Variants in FAM184A observed in about 807,000 individuals in gnomAD.
FAM184A encodes protein FAM184A.
A neutral mutation model predicts 143.8 loss-of-function variants in FAM184A; 99 were observed. That is an observed-to-expected ratio of 0.69 (90% CI 0.58 to 0.81). FAM184A has a LOEUF of 0.81. FAM184A is among the 40% of genes least tolerant of loss of function. FAM184A has a pLI of 0.00. For missense variants in FAM184A, 1,217 were observed against 1,310.5 expected, an observed-to-expected ratio of 0.93 and a Z score of 1.10; for synonymous variants, 427 against 446.4, an observed-to-expected ratio of 0.96 and a Z score of 0.55.
chr6:119,086,975 AG>A (rs145539073), intron 1 of FAM184A, among the ~76,000 whole-genome samples: 4,831 of 152,280 alleles, frequency 0.032, 537 homozygotes, highest in Admixed American at 0.21. Context: ...TGAGGAACAG[AG>A]AGCTGTCAAG....
intron 5 of FAM184A, among the ~76,000 whole-genome samples, chr6:119,012,194 C>T (rs1785111001): frequency 6.6e-6 from 1 of 152,152 alleles, no homozygotes; most frequent in Admixed American, 6.5e-5. Context: ...AAGGCTTTTT[C>T]ACACCACAAA....
At chr6:119,013,678 T>C (rs1419250898) in intron 5 of FAM184A, among the ~76,000 whole-genome samples, 3 of 152,214 alleles carry the variant, frequency 2.0e-5, no homozygotes, top group Non-Finnish European at 4.4e-5. Flanking sequence ...TCTGGCTACA[T>C]AAACATATAG....
At chr6:119,098,613 G>A (rs1384132232) in intron 1 of FAM184A, among the ~76,000 whole-genome samples, 1 of 152,176 alleles carries the variant, frequency 6.6e-6, no homozygotes. Flanking sequence ...ATTTGGAATT[G>A]GTTGAGGAAG....
chr6:119,136,491 T>C (rs911208419), intron 1 of FAM184A, among the ~76,000 whole-genome samples: 2 of 152,146 alleles, frequency 1.3e-5, no homozygotes, highest in Non-Finnish European at 2.9e-5. Flanking sequence ...GATAGACCCA[T>C]GTGTCACTGA....
intron 15 of FAM184A, among the ~76,000 whole-genome samples, chr6:118,965,231 A>G (rs1185372940): frequency 8.4e-6 from 1 of 119,320 alleles, no homozygotes; most frequent in Non-Finnish European, 1.6e-5. Flanking sequence ...TGGTGTGTGT[A>G]GAGGTAGGGT....
At chr6:119,034,047 G>T (rs62421119) in intron 1 of FAM184A, among the ~76,000 whole-genome samples, 753 of 32,382 alleles carry the variant, frequency 0.023, 3 homozygotes, top group East Asian at 0.028. Context: ...TATATAGAGA[G>T]AGAGAGAGAG....
Position 118,986,950 on chromosome 6 carries a change from G to A in FAM184A, c.2089-6600C>T, listed in dbSNP as rs555355029. On this transcript the variant is annotated intron_variant, in intron 9 of 17. Transcript: ENST00000338891. ...ATGTTTGTTGTTTCTTTTAAGAGAT[G>A]AAAGAAAATGCTGCTAAATGTATTT... Among the ~76,000 whole-genome samples, 25 of 152,146 alleles carry A rather than the reference G, an allele frequency of 1.6e-4. 1 individual carries two copies. The highest frequency in any genetic ancestry group is 6.0e-4 in the African/African-American group (25 of 41,528).
rs377693723 is a variant in FAM184A, at chr6:118,964,712, C to T, written c.3093G>A (p.Val1031=). 6 of 1,609,856 alleles carry T rather than the reference C, an allele frequency of 3.7e-6. No individual in the cohort carries two copies. Among genetic ancestry groups the T allele is most frequent in the African/African-American group, 2.7e-5 (2 of 74,812 alleles). ...LVNRETNFNK[V]FNSSPTVGVI... ...CACCAACAGTAGGACTTGAGTTAAA[C>T]ACTTTGTTGAAGTTAGTTTCTCGAT... Residue 1031 remains valine, a synonymous_variant, in exon 16 of 18, where the codon GTG becomes GTA. Coordinates refer to ENST00000338891, the MANE Select transcript of FAM184A (RefSeq NM_024581.6).
chr6:118,978,883 C>G (rs967431665), intron 11 of FAM184A, among the ~76,000 whole-genome samples: 4 of 152,202 alleles, frequency 2.6e-5, no homozygotes, highest in African/African-American at 9.7e-5. Context: ...AAAACTCAAC[C>G]TACCTCCTTA....
chr6:118,982,641 G>C (rs535568936), intron 9 of FAM184A, among the ~76,000 whole-genome samples: 5 of 152,188 alleles, frequency 3.3e-5, no homozygotes, highest in Non-Finnish European at 7.3e-5. Context: ...AATTTAGTGT[G>C]TACTTCAATT....
intron 1 of FAM184A, among the ~76,000 whole-genome samples, chr6:119,071,392 A>G (rs1423474120): frequency 6.6e-6 from 1 of 152,198 alleles, no homozygotes; most frequent in East Asian, 1.9e-4. Flanking sequence ...AGTTAATGTT[A>G]TTTTAAATAC....
intron 1 of FAM184A, among the ~76,000 whole-genome samples, chr6:119,127,537 C>T (rs531550870): frequency 6.6e-6 from 1 of 152,204 alleles, no homozygotes; most frequent in African/African-American, 2.4e-5. Flanking sequence ...AGACTTTGCC[C>T]AAGACTTGGG....
At chr6:118,988,074 C>T (rs1784250682) in intron 9 of FAM184A, among the ~76,000 whole-genome samples, 1 of 152,150 alleles carries the variant, frequency 6.6e-6, no homozygotes, top group South Asian at 2.1e-4. Flanking sequence ...GTGCCGCTCA[C>T]TTACATTGCT....
chr6:119,134,407 C>T (rs1255300706), intron 1 of FAM184A, among the ~76,000 whole-genome samples: 3 of 151,812 alleles, frequency 2.0e-5, no homozygotes, highest in East Asian at 1.9e-4. Flanking sequence ...AAGTCTATTG[C>T]GGGGGGTGCC....
At chr6:118,963,292 AAAAT>A (rs1278895790) in intron 16 of FAM184A, 2 of 152,176 alleles carry the variant, frequency 1.3e-5, no homozygotes, top group South Asian at 2.1e-4. Context: ...TAATTCCAAT[AAAAT>A]AAATAAATGA....
In FAM184A at chr6:119,003,107, AAT is replaced by A. The variant is rs1478105449; in HGVS notation, c.1938-60_1938-59del. ...GAGAATTATTCCTTTCACTGACTGTAATAGAGTCTACAGGTTTTTTAAGCGCT... is the reference window on the plus strand; with the variant it reads ...GAGAATTATTCCTTTCACTGACTGTAAGAGTCTACAGGTTTTTTAAGCGCT... On this transcript the variant is annotated intron_variant, in intron 8 of 17. Transcript: ENST00000338891. 72 of 1,454,524 alleles carry A rather than the reference AAT, an allele frequency of 5.0e-5. 2 individuals are homozygous for A. In the South Asian group the frequency reaches 8.9e-4, roughly 18 times the overall value. 90.1% of individuals were successfully genotyped at this position (1,454,524 alleles called of 1,614,324 possible). A position where few individuals can be genotyped will look rare whatever the true frequency, so the allele number is the denominator to read the frequency against.
intron 1 of FAM184A, among the ~76,000 whole-genome samples, chr6:119,028,470 C>T (rs1392368600): frequency 1.3e-5 from 2 of 152,138 alleles, no homozygotes; most frequent in African/African-American, 2.4e-5. Context: ...GAGACAAGGT[C>T]GGAGAGTTGA....
At chr6:119,094,028 TTTCCTTTC>T (rs1440454798) in intron 1 of FAM184A, among the ~76,000 whole-genome samples, 1 of 125,614 alleles carries the variant, frequency 8.0e-6, no homozygotes, top group Non-Finnish European at 1.7e-5. Context: ...CTCTCCCTTC[TTTCCTTTC>T]TTCCTTCCTT....
At chr6:119,000,182 T>C (rs946433672) in intron 9 of FAM184A, among the ~76,000 whole-genome samples, 9 of 152,312 alleles carry the variant, frequency 5.9e-5, no homozygotes, top group Admixed American at 6.5e-5. Context: ...AAATAAAATC[T>C]GCCTTAAAAA....
Sources: gnomAD v4.1 joint callset for allele counts (sites outside exome capture counted in the v4.1 genomes callset) on GRCh38, gnomAD v4.1.1 for gene constraint, MANE v1.5 for transcripts, NCBI Gene and HGNC (gene_info 2026-07-23, HGNC 2026-07-21) for gene names.